The following DCC variants were observed in gnomAD, a reference collection of about 807,000 sequenced individuals.
DCC encodes netrin receptor DCC.
Under a neutral mutation model 172.5 loss-of-function variants are expected in DCC, and 58 were observed. The observed-to-expected ratio is 0.34, with a 90% CI of 0.27 to 0.42. The LOEUF (loss-of-function observed/expected upper bound fraction) is 0.42, where lower values mean the gene tolerates loss of function less well. Among genes scored for constraint, DCC ranks in the 10% least tolerant of loss-of-function variants. The pLI, the probability that DCC is intolerant of heterozygous loss-of-function variation, is 1.00. For missense variants in DCC, 1,740 were observed against 1,791.0 expected (o/e 0.97, Z 0.51); for synonymous variants, 709 against 644.5 (o/e 1.10, Z -1.52).
At chr18:52,608,352 T>A (rs2144831485) in intron 1 of DCC, among the ~76,000 whole-genome samples, 1 of 152,258 alleles carries the variant, frequency 6.6e-6, no homozygotes, top group Admixed American at 6.5e-5. Flanking sequence ...TAGATGCTAA[T>A]AGTGAAAGAG....
At chr18:53,202,838 C>T (rs2055561662) in intron 9 of DCC, among the ~76,000 whole-genome samples, 1 of 152,074 alleles carries the variant, frequency 6.6e-6, no homozygotes, top group Non-Finnish European at 1.5e-5. Flanking sequence ...GACAGAGACA[C>T]ATTCAAAATG....
At chr18:53,313,904 A>C (rs2057313527) in intron 13 of DCC, among the ~76,000 whole-genome samples, 1 of 152,192 alleles carries the variant, frequency 6.6e-6, no homozygotes, top group African/African-American at 2.4e-5. Context: ...ATGTCTCTAA[A>C]ATGGGACCAA....
intron 1 of DCC, among the ~76,000 whole-genome samples, chr18:52,655,535 T>C (rs1182126936): frequency 6.6e-6 from 1 of 152,128 alleles, no homozygotes; most frequent in Non-Finnish European, 1.5e-5. Flanking sequence ...AGGAATGATA[T>C]GGATATTGTT....
At chr18:53,462,248 A>G (rs1364290121) in intron 24 of DCC, among the ~76,000 whole-genome samples, 1 of 152,144 alleles carries the variant, frequency 6.6e-6, no homozygotes, top group Non-Finnish European at 1.5e-5. Flanking sequence ...ACTGGGCCAC[A>G]CAGCAGGAGG....
chr18:53,385,944 T>C (rs1908131917), intron 15 of DCC, 99 bp from the exon 16 acceptor site: 2 of 816,526 alleles, frequency 2.4e-6, no homozygotes, highest in East Asian at 2.5e-5. Context: ...ATTTACCAAG[T>C]AGATTATATG....
intron 2 of DCC, among the ~76,000 whole-genome samples, chr18:52,893,363 G>T (rs1953899386): frequency 6.6e-6 from 1 of 152,116 alleles, no homozygotes; most frequent in Non-Finnish European, 1.5e-5. Context: ...CTAATACAGT[G>T]CCTGGTATGT....
chr18:52,958,964 C>T (rs2145564319), intron 5 of DCC, among the ~76,000 whole-genome samples: 1 of 152,188 alleles, frequency 6.6e-6, no homozygotes, highest in South Asian at 2.1e-4. Context: ...GTTCTTAAAA[C>T]ACTGAAATTT....
rs184349247 is a variant in DCC, at chr18:53,242,015, C to T, written c.1911+26418C>T. On this transcript the variant is annotated intron_variant, in intron 12 of 28. Coordinates refer to ENST00000442544, the MANE Select transcript of DCC (RefSeq NM_005215.4). ...CCCCATAGTCTCAGCTCAAAATCTC[C>T]TTAAGAAGAGGACTTCTTAAAGCAT... Among the ~76,000 whole-genome samples the T allele has an allele frequency of 3.3e-4, 51 of 152,270 alleles. No homozygotes were observed. The Middle Eastern group carries it at 0.014, about 41-fold the overall frequency.
At chr18:52,823,957 C>A (rs62083311) in intron 2 of DCC, among the ~76,000 whole-genome samples, 1 of 152,248 alleles carries the variant, frequency 6.6e-6, no homozygotes, top group African/African-American at 2.4e-5. Flanking sequence ...ACTATCTGGG[C>A]AGTGAGTGGA....
chr18:52,883,275 A>T (rs1481804120), intron 2 of DCC, among the ~76,000 whole-genome samples: 2 of 151,572 alleles, frequency 1.3e-5, no homozygotes, highest in African/African-American at 4.8e-5. Flanking sequence ...ATAAGTAAGG[A>T]CTTATTCCTG....
rs777217850 is a variant in DCC at position 53,066,186 on chromosome 18, G to T, written c.1261+20G>T. 1 of 1,610,450 alleles carries T rather than the reference G, an allele frequency of 6.2e-7. No individual in the cohort carries two copies. Among genetic ancestry groups the T allele is most frequent in the East Asian group, 2.2e-5 (1 of 44,774 alleles). On this transcript the variant is annotated intron_variant, in intron 7 of 28. Transcript: ENST00000442544. ...AGCCTGGTAAGACAATGGGAACCTT[G>T]CTTTGGTACCTGGAATGAAAATTAT... is the stretch of plus-strand genomic sequence containing the variant.
chr18:53,471,050 C>T (rs1159949), intron 25 of DCC, among the ~76,000 whole-genome samples: 130,430 of 152,204 alleles, frequency 0.86, 56,118 homozygotes, highest in Non-Finnish European at 0.88. Flanking sequence ...CTCTTTTCCA[C>T]CTTCACTGTT....
intron 15 of DCC, among the ~76,000 whole-genome samples, chr18:53,354,968 G>A (rs1207360781): frequency 6.6e-6 from 1 of 151,998 alleles, no homozygotes; most frequent in Non-Finnish European, 1.5e-5. Flanking sequence ...GTAAGGAAGG[G>A]ATCCGGTTTC....
intron 7 of DCC, among the ~76,000 whole-genome samples, chr18:53,103,236 C>G (rs1165742613): frequency 1.3e-5 from 2 of 151,968 alleles, no homozygotes; most frequent in Non-Finnish European, 2.9e-5. Flanking sequence ...CAGCTTCTAT[C>G]AGTGAGAGAC....
rs1205316556 is a variant in DCC at position 52,929,837 on chromosome 18, C to G, written c.985+4467C>G. On this transcript the variant is annotated intron_variant, in intron 5 of 28. Transcript: ENST00000442544. The stretch of plus-strand genomic sequence containing the variant: ...TTGCAAACACACACACACACACACA[C>G]ACACACACACACACACACACACACA... Among the ~76,000 whole-genome samples, 6 of 151,194 alleles carry G rather than the reference C, an allele frequency of 4.0e-5. No homozygotes were observed. The Admixed American group carries it at 4.0e-4, about 10-fold the overall frequency.
At chr18:52,810,656 A>G (rs980572817) in intron 2 of DCC, among the ~76,000 whole-genome samples, 1 of 152,172 alleles carries the variant, frequency 6.6e-6, no homozygotes, top group African/African-American at 2.4e-5. Flanking sequence ...TGAGTATGCA[A>G]AAATGGTCAA....
intron 7 of DCC, among the ~76,000 whole-genome samples, chr18:53,094,823 A>G (rs1349189271): frequency 2.6e-5 from 4 of 152,144 alleles, no homozygotes; most frequent in African/African-American, 7.2e-5. Flanking sequence ...TATTCTAATT[A>G]TATTTTTCTA....
chr18:52,393,199 G>C (rs1986095183), intron 1 of DCC, among the ~76,000 whole-genome samples: 1 of 152,080 alleles, frequency 6.6e-6, no homozygotes, highest in South Asian at 2.1e-4. Flanking sequence ...CCTTAACTAT[G>C]AAATGAAAGA....
In DCC at chr18:53,063,390, G is replaced by T. The variant is rs1433628119; in HGVS notation, c.1071G>T (p.Lys357Asn). Reference sequence around the variant, plus strand: ...AGTTTGAATGTACAGTCTCTGGAAAGCCTGTGCCCACTGTGAATTGGATGA... The same window carrying T: ...AGTTTGAATGTACAGTCTCTGGAAATCCTGTGCCCACTGTGAATTGGATGA... ...DIEFECTVSGKPVPTVNWMKN... is the reference protein window; with the variant it reads ...DIEFECTVSGNPVPTVNWMKN... Residue 357 changes from lysine (K) to asparagine (N), a missense_variant, in exon 6 of 29, where the codon AAG becomes AAT. By Grantham distance (94) the Lys-to-Asn change is moderately conservative. Around this residue, in one of 2 missense-constraint regions of DCC, gnomAD observed 1,732 missense variants for 1,767.4 expected, o/e 0.98. Coordinates refer to ENST00000442544, the MANE Select transcript of DCC (RefSeq NM_005215.4). 2.5e-6 allele frequency: 4 copies of T among 1,612,722 alleles called. No homozygotes were observed. The Admixed American group carries it at 5.0e-5, about 20-fold the overall frequency.
Sources: allele counts gnomAD v4.1 joint callset (sites outside exome capture counted in the v4.1 genomes callset), GRCh38; gene constraint gnomAD v4.1.1; regional missense constraint gnomAD v4.1.1; transcripts MANE v1.5; gene names NCBI Gene and HGNC (gene_info 2026-07-23, HGNC 2026-07-21).